Variants in OPHN1 observed in about 807,000 individuals in gnomAD.
OPHN1 encodes the protein oligophrenin-1.
OPHN1 carries 11 observed loss-of-function variants against 60.7 expected under a neutral mutation model. The observed-to-expected ratio is 0.18, with a 90% CI of 0.11 to 0.30. The LOEUF is 0.30. Among genes scored for constraint, OPHN1 ranks in the 10% least tolerant of loss-of-function variants. The probability of loss-of-function intolerance (pLI) is 1.00; values close to 1 mark genes in which losing one functional copy is unlikely to be tolerated. For missense variants in OPHN1, 449 were observed against 611.0 expected (o/e 0.73, Z 2.80); for synonymous variants, 226 against 222.6 (o/e 1.02, Z -0.14).
intron 15 of OPHN1, among the ~76,000 whole-genome samples, chrX:68,137,829 C>T (rs954247583): frequency 9.0e-6 from 1 of 111,331 alleles, no homozygotes; most frequent in African/African-American, 3.3e-5. Flanking sequence ...TCTCTTCTCC[C>T]CTGTGCACAG....
intron 3 of OPHN1, among the ~76,000 whole-genome samples, chrX:68,295,736 T>A (rs1266106242): frequency 1.8e-5 from 2 of 111,925 alleles, no homozygotes; most frequent in Non-Finnish European, 3.8e-5. Flanking sequence ...GAGCTGATCG[T>A]CAGGGGGAGG....
At chrX:68,065,783 G>A (rs763731850) in intron 20 of OPHN1, among the ~76,000 whole-genome samples, 1 of 112,151 alleles carries the variant, frequency 8.9e-6, no homozygotes, top group Non-Finnish European at 1.9e-5. Flanking sequence ...TCATTAATTG[G>A]TGGTTATTAT....
At position 68,182,950 on chromosome X, in the gene OPHN1, A is replaced by G. The variant is rs1249212525; in HGVS notation, c.1276+9969T>C. 7.1e-5 allele frequency among the ~76,000 whole-genome samples: 8 copies of G among 111,953 alleles called. No individual in the cohort carries two copies. The East Asian group carries it at 2.3e-3, about 32-fold the overall frequency. ...AAAGAAAAAACAGAGGCTCTGCCCA[A>G]GAAGCTCTGCCACCCCTGCTTTTTA... On this transcript the variant is annotated intron_variant, in intron 15 of 24. Coordinates refer to ENST00000355520, the MANE Select transcript of OPHN1 (RefSeq NM_002547.3).
At chrX:68,162,563 T>C (rs2077339722) in intron 15 of OPHN1, among the ~76,000 whole-genome samples, 1 of 110,230 alleles carries the variant, frequency 9.1e-6, no homozygotes, top group African/African-American at 3.3e-5. Flanking sequence ...TTAGAGTACA[T>C]ACAGAGTAGG....
At chrX:68,323,379 A>G (rs147548965) in intron 2 of OPHN1, among the ~76,000 whole-genome samples, 139 of 111,536 alleles carry the variant, frequency 1.2e-3, no homozygotes, top group African/African-American at 4.5e-3. Context: ...CTTTCCTAAA[A>G]TGTCACCTTG....
At chrX:68,085,511 C>T (rs912950164) in intron 19 of OPHN1, among the ~76,000 whole-genome samples, 1 of 112,012 alleles carries the variant, frequency 8.9e-6, no homozygotes, top group Non-Finnish European at 1.9e-5. Context: ...TCCCCAGAGC[C>T]TAGAACTTCA....
intron 2 of OPHN1, among the ~76,000 whole-genome samples, chrX:68,315,008 G>A (rs190605951): frequency 1.5e-3 from 161 of 107,361 alleles, no homozygotes; most frequent in Non-Finnish European, 7.9e-4. Flanking sequence ...AAAACAGAGA[G>A]AGAAAGAGAC....
chrX:68,206,442 G>A, intron 10 of OPHN1, 131 bp downstream of exon 10: 1 of 532,945 alleles, frequency 1.9e-6, no homozygotes, highest in South Asian at 2.7e-5. Context: ...TTAGGCCAAG[G>A]TGTACATATA....
intron 15 of OPHN1, among the ~76,000 whole-genome samples, chrX:68,140,385 T>C (rs965436571): frequency 8.9e-6 from 1 of 112,241 alleles, no homozygotes; most frequent in Non-Finnish European, 1.9e-5. Flanking sequence ...AAAGACCATG[T>C]ACGATTTTGC....
At chrX:68,149,801 C>G in intron 15 of OPHN1, among the ~76,000 whole-genome samples, 1 of 106,196 alleles carries the variant, frequency 9.4e-6, no homozygotes, top group Middle Eastern at 4.7e-3. Context: ...TAGTTATATA[C>G]CAAAAAAAAA....
At chrX:68,269,858 C>T (rs1388848344) in intron 5 of OPHN1, among the ~76,000 whole-genome samples, 3 of 111,821 alleles carry the variant, frequency 2.7e-5, no homozygotes, top group African/African-American at 9.8e-5. Flanking sequence ...GGGCTAATAT[C>T]CAGAATCTAC....
chrX:68,201,781 G>T, intron 10 of OPHN1, 71 bp from the exon 11 acceptor site: 1 of 868,109 alleles, frequency 1.2e-6, no homozygotes, highest in Non-Finnish European at 1.7e-6. Context: ...TTCCTACAGT[G>T]TCTTCAGTGT....
intron 2 of OPHN1, among the ~76,000 whole-genome samples, chrX:68,331,925 A>T (rs1332902521): frequency 9.1e-6 from 1 of 109,618 alleles, no homozygotes; most frequent in African/African-American, 3.3e-5. Flanking sequence ...AGTCCCAGCT[A>T]CTGGGGAGGC....
At chrX:68,229,251 C>T (rs750249397) in intron 6 of OPHN1, among the ~76,000 whole-genome samples, 3 of 111,048 alleles carry the variant, frequency 2.7e-5, no homozygotes, top group Non-Finnish European at 5.7e-5. Context: ...CACTGCTCAA[C>T]AAAATAAAAG....
chrX:68,181,112 C>G (rs1369076197), intron 15 of OPHN1, among the ~76,000 whole-genome samples: 2 of 111,453 alleles, frequency 1.8e-5, no homozygotes, highest in East Asian at 5.7e-4. Context: ...TTTTCCCCTT[C>G]TGAAAGGTTA....
chrX:68,409,369 T>C (rs1474633295), intron 2 of OPHN1, among the ~76,000 whole-genome samples: 4 of 111,680 alleles, frequency 3.6e-5, no homozygotes, highest in African/African-American at 1.3e-4. Context: ...GAACATTTTA[T>C]TGGCTACAGT....
chrX:68,267,363 G>A (rs2077936443), intron 5 of OPHN1, among the ~76,000 whole-genome samples: 5 of 111,763 alleles, frequency 4.5e-5, no homozygotes, highest in Non-Finnish European at 9.4e-5. Flanking sequence ...TAGAACTCAG[G>A]ATTAAGAAAC....
chrX:68,164,127 T>C (rs1336456921), intron 15 of OPHN1, among the ~76,000 whole-genome samples: 1 of 111,517 alleles, frequency 9.0e-6, no homozygotes, highest in Non-Finnish European at 1.9e-5. Flanking sequence ...CATTAAATAA[T>C]GTGTCCAAGG....
intron 15 of OPHN1, among the ~76,000 whole-genome samples, chrX:68,167,204 A>T (rs1602205390): frequency 8.9e-6 from 1 of 111,766 alleles, no homozygotes; most frequent in East Asian, 2.8e-4. Flanking sequence ...CTAATAATGA[A>T]CAGACATTTC....
Sources: gnomAD v4.1 joint callset for allele counts (sites outside exome capture counted in the v4.1 genomes callset) on GRCh38, gnomAD v4.1.1 for gene constraint, MANE v1.5 for transcripts, NCBI Gene and HGNC (gene_info 2026-07-23, HGNC 2026-07-21) for gene names.